The following ARPP19 variants were observed in gnomAD, a reference collection of about 807,000 sequenced individuals.
ARPP19 encodes the protein cAMP-regulated phosphoprotein 19.
In ARPP19, 8 loss-of-function variants were observed where a neutral mutation model predicts 12.0. The ratio of observed to expected loss-of-function variants is 0.67; its 90% CI spans 0.39 to 1.21. The LOEUF is 1.21. ARPP19 is among the 50% of genes most tolerant of loss of function. ARPP19 has a pLI of 0.01. For missense variants in ARPP19, 102 were observed against 136.3 expected, an observed-to-expected ratio of 0.75 and a Z score of 1.25; for synonymous variants, 47 against 50.4, an observed-to-expected ratio of 0.93 and a Z score of 0.29.
At chr15:52,569,037 G>A, upstream of ARPP19, 1 of 628,430 alleles carries the variant, frequency 1.6e-6, no homozygotes, top group Non-Finnish European at 2.8e-6. Context: ...TGACGACACG[G>A]AGCCGCGAAA....
Position 52,566,634 on chromosome 15 carries a change from C to T in ARPP19, c.45+2214G>A, listed in dbSNP as rs150227502. 1.8e-3 allele frequency among the ~76,000 whole-genome samples: 268 copies of T among 151,814 alleles called. 3 individuals carry two copies. The East Asian group carries it at 0.034, about 19-fold the overall frequency. On this transcript the variant is annotated intron_variant, in intron 1 of 2. Coordinates refer to ENST00000249822, the MANE Select transcript of ARPP19 (RefSeq NM_006628.6). The stretch of plus-strand genomic sequence containing the variant: ...TTTATTTTGTAGAGACAGAATCTTA[C>T]TATGTTGACCAGGCTGGTCTCAAAC...
chr15:52,554,205 G>A (rs570593011), intron 2 of ARPP19, among the ~76,000 whole-genome samples: 3 of 152,112 alleles, frequency 2.0e-5, no homozygotes, highest in African/African-American at 7.2e-5. Context: ...AGTTTCTAAT[G>A]TAAGTAATTT....
chr15:52,567,658 G>A (rs983402263), intron 1 of ARPP19, among the ~76,000 whole-genome samples: 2 of 152,004 alleles, frequency 1.3e-5, no homozygotes, highest in African/African-American at 4.8e-5. Flanking sequence ...ATTTTCACGG[G>A]ATATTCTCAA....
chr15:52,547,337 T>G lies in ARPP19; in HGVS notation c.*4597A>C, dbSNP rs1456852578. On this transcript the variant is annotated 3_prime_UTR_variant, in exon 3 of 3. Coordinates refer to ENST00000249822, the MANE Select transcript of ARPP19 (RefSeq NM_006628.6). ...TAACTGCCAACTCTATAGACATGTT[T>G]TAACAAAAAGCAAAACAAAACAAAA... 1.3e-5 allele frequency: 2 copies of G among 152,102 alleles called. No individual in the cohort carries two copies. The highest frequency in any genetic ancestry group is 1.5e-5 in the Non-Finnish European group (1 of 68,022). 9.4% of individuals were successfully genotyped at this position (152,102 alleles called of 1,614,324 possible).
rs555088777 is a variant in ARPP19, at chr15:52,559,592, A to AT, written c.46-2371dup. 3.8e-3 allele frequency among the ~76,000 whole-genome samples: 573 copies of AT among 152,226 alleles called. 3 individuals carry two copies. The highest frequency in any genetic ancestry group is 0.013 in the African/African-American group (537 of 41,516). ...TCAAGGGTGATTTTAGCTATATGTGATTTTTTTCCCTTACTAACATTAGAA... is the reference window on the plus strand; with the variant it reads ...TCAAGGGTGATTTTAGCTATATGTGATTTTTTTTCCCTTACTAACATTAGAA... On this transcript the variant is annotated intron_variant, in intron 1 of 2. Coordinates refer to ENST00000249822, the MANE Select transcript of ARPP19 (RefSeq NM_006628.6).
chr15:52,561,968 T>C (rs1366287604), intron 1 of ARPP19, among the ~76,000 whole-genome samples: 2 of 147,004 alleles, frequency 1.4e-5, no homozygotes, highest in Non-Finnish European at 3.0e-5. Context: ...TTAAGATACA[T>C]GGTCTTCCTA....
At chr15:52,557,553 G>T (rs1390972523) in intron 1 of ARPP19, 2 of 188,406 alleles carry the variant, frequency 1.1e-5, no homozygotes, top group Non-Finnish European at 2.2e-5. Flanking sequence ...GAACTCTTCA[G>T]TTCTTTGCCT....
intron 1 of ARPP19, among the ~76,000 whole-genome samples, chr15:52,558,482 A>AAAAAAAAAAG (rs559673591): frequency 2.0e-5 from 3 of 149,078 alleles, no homozygotes; most frequent in Admixed American, 6.7e-5. Context: ...AAAAAAAAAA[A>AAAAAAAAAAG]AAAGAAAGAA....
intron 1 of ARPP19, among the ~76,000 whole-genome samples, chr15:52,566,177 G>A (rs1392333585): frequency 6.8e-6 from 1 of 147,640 alleles, no homozygotes; most frequent in East Asian, 2.0e-4. Context: ...TTTATTTTCT[G>A]ACACAGAATC....
chr15:52,557,006 T>G (rs1478291128), intron 2 of ARPP19, 94 bp downstream of exon 2: 3 of 1,360,036 alleles, frequency 2.2e-6, no homozygotes, highest in Non-Finnish European at 2.0e-6. Context: ...CCTGATAAAG[T>G]ACAATGCTAT....
At chr15:52,566,278 T>C (rs1038552347) in intron 1 of ARPP19, among the ~76,000 whole-genome samples, 5 of 152,074 alleles carry the variant, frequency 3.3e-5, no homozygotes, top group African/African-American at 7.2e-5. Flanking sequence ...TATGCCTCAG[T>C]CTCCCGAGTA....
Position 52,549,641 on chromosome 15 carries a change from A to G in ARPP19, c.*2293T>C, listed in dbSNP as rs2077910665. 1 of 152,642 alleles carries G rather than the reference A, an allele frequency of 6.6e-6. No individual in the cohort carries two copies. Among genetic ancestry groups the G allele is most frequent in the Admixed American group, 6.5e-5 (1 of 15,280 alleles). 9.5% of individuals were successfully genotyped at this position (152,642 alleles called of 1,614,324 possible). On this transcript the variant is annotated 3_prime_UTR_variant, in exon 3 of 3. Transcript: ENST00000249822. ...TGTATTTTACAAACAAAACTCAAGCAGTTGTTTTATTACTTGTCCCAAACC... is the reference window on the plus strand; with the variant it reads ...TGTATTTTACAAACAAAACTCAAGCGGTTGTTTTATTACTTGTCCCAAACC...
At chr15:52,563,577 TAC>T (rs1388830251) in intron 1 of ARPP19, among the ~76,000 whole-genome samples, 3 of 152,208 alleles carry the variant, frequency 2.0e-5, no homozygotes, top group African/African-American at 7.2e-5. Flanking sequence ...TATAAATATA[TAC>T]ACGTAAAAAG....
rs1425752779 is a variant in ARPP19 at position 52,549,585 on chromosome 15, A to C, written c.*2349T>G. ...GCACTTAGCATTTCACAGATCCTCA[A>C]TACATTTTGAGGTAGGTCAAATATT... On this transcript the variant is annotated 3_prime_UTR_variant, in exon 3 of 3. Transcript: ENST00000249822. 1.3e-5 allele frequency: 2 copies of C among 152,634 alleles called. No homozygotes were observed. The highest frequency in any genetic ancestry group is 3.8e-4 in the East Asian group (2 of 5,202). 9.5% of individuals were successfully genotyped at this position (152,634 alleles called of 1,614,324 possible). A position where few individuals can be genotyped will look rare whatever the true frequency, so the allele number is the denominator to read the frequency against.
chr15:52,564,324 G>T, intron 1 of ARPP19: 1 of 1,081,506 alleles, frequency 9.2e-7, no homozygotes, highest in South Asian at 1.3e-5. Context: ...GAGGTGGGAG[G>T]CTAGGTGAAC....
chr15:52,553,798 T>C (rs1404478543), intron 2 of ARPP19, among the ~76,000 whole-genome samples: 1 of 152,236 alleles, frequency 6.6e-6, no homozygotes, highest in Non-Finnish European at 1.5e-5. Flanking sequence ...CAGCTTAGTA[T>C]AAGACTATTG....
In ARPP19 at chr15:52,568,564, G is replaced by T. The variant is rs139565384; in HGVS notation, c.45+284C>A. On this transcript the variant is annotated intron_variant, in intron 1 of 2. Transcript: ENST00000249822. ...GAAAAACTTAGGCTCTACGCCCAAA[G>T]CCTGCGTCCTGGGCTCTCGCGTAAA... 3.4e-3 allele frequency: 1,332 copies of T among 396,164 alleles called. 10 individuals carry two copies. Among genetic ancestry groups the T allele is most frequent in the East Asian group, 0.024 (565 of 24,012 alleles). 24.5% of individuals were successfully genotyped at this position (396,164 alleles called of 1,614,324 possible). A position where few individuals can be genotyped will look rare whatever the true frequency, so the allele number is the denominator to read the frequency against.
chr15:52,567,483 A>G (rs779665246), intron 1 of ARPP19, among the ~76,000 whole-genome samples: 4 of 152,206 alleles, frequency 2.6e-5, no homozygotes, highest in Non-Finnish European at 5.9e-5. Flanking sequence ...CACCACAGAC[A>G]GGGACTTGTT....
In ARPP19 at chr15:52,551,714, G is replaced by A. The variant is rs2077933075; in HGVS notation, c.*220C>T. On this transcript the variant is annotated 3_prime_UTR_variant, in exon 3 of 3. Coordinates refer to ENST00000249822, the MANE Select transcript of ARPP19 (RefSeq NM_006628.6). The stretch of plus-strand genomic sequence containing the variant: ...TAATATATACAACTATTTTCAAGTA[G>A]TTTACTTATGTTGCTCTAACATGTC... 6.3e-6 allele frequency: 3 copies of A among 476,720 alleles called. No homozygotes were observed. Among genetic ancestry groups the A allele is most frequent in the Non-Finnish European group, 1.1e-5 (3 of 270,088 alleles). The allele number at this position is 476,720 out of a possible 1,614,324, so 29.5% of individuals were successfully genotyped here. A position where few individuals can be genotyped will look rare whatever the true frequency, so the allele number is the denominator to read the frequency against.
Sources: gnomAD v4.1 joint callset for allele counts (sites outside exome capture counted in the v4.1 genomes callset) on GRCh38, gnomAD v4.1.1 for gene constraint, MANE v1.5 for transcripts, NCBI Gene and HGNC (gene_info 2026-07-23, HGNC 2026-07-21) for gene names.